STK32A: variants seen among roughly 807,000 people sequenced by gnomAD.
STK32A encodes serine/threonine-protein kinase 32A.
Under a neutral mutation model 53.2 loss-of-function variants are expected in STK32A, and 41 were observed. That is an observed-to-expected ratio of 0.77 (90% confidence interval 0.60 to 1.00). The LOEUF is 1.00. Ranked by LOEUF, STK32A falls within the 50% of genes least tolerant of loss-of-function variation. The pLI, the probability that STK32A is intolerant of heterozygous loss-of-function variation, is 0.00. For synonymous variants in STK32A, 166 were observed against 162.8 expected, an observed-to-expected ratio of 1.02 and a Z score of -0.15; for missense variants, 458 against 485.8, an observed-to-expected ratio of 0.94 and a Z score of 0.54.
At chr5:147,365,771 C>T (rs758344330) in intron 8 of STK32A, among the ~76,000 whole-genome samples, 2 of 152,022 alleles carry the variant, frequency 1.3e-5, no homozygotes, top group South Asian at 2.1e-4. Flanking sequence ...AGCAGAGGAG[C>T]GAGTTGAAAC....
chr5:147,303,886 G>T (rs1250974679), intron 4 of STK32A, among the ~76,000 whole-genome samples: 1 of 152,176 alleles, frequency 6.6e-6, no homozygotes, highest in Non-Finnish European at 1.5e-5. Context: ...CGCAGTAATT[G>T]TTCCACCTAG....
At chr5:147,294,834 C>T (rs1752792644) in intron 4 of STK32A, among the ~76,000 whole-genome samples, 1 of 152,076 alleles carries the variant, frequency 6.6e-6, no homozygotes, top group Admixed American at 6.5e-5. Flanking sequence ...CAGGCATGTG[C>T]CACCACACCT....
At chr5:147,319,245 C>A (rs1337980686) in intron 4 of STK32A, among the ~76,000 whole-genome samples, 1 of 151,422 alleles carries the variant, frequency 6.6e-6, no homozygotes, top group East Asian at 1.9e-4. Flanking sequence ...TGGGTTCAAG[C>A]CATTCTCCTG....
intron 2 of STK32A, among the ~76,000 whole-genome samples, chr5:147,263,394 G>C (rs1251465532): frequency 1.3e-5 from 2 of 152,156 alleles, no homozygotes; most frequent in African/African-American, 4.8e-5. Flanking sequence ...AATATGAGCA[G>C]ACAACCAAGG....
intron 8 of STK32A, among the ~76,000 whole-genome samples, chr5:147,365,695 C>G (rs1015361433): frequency 1.3e-5 from 2 of 152,134 alleles, no homozygotes; most frequent in African/African-American, 4.8e-5. Flanking sequence ...CCCTTGCTAG[C>G]TGCTTCTGGG....
intron 8 of STK32A, among the ~76,000 whole-genome samples, chr5:147,364,548 A>T (rs1435068038): frequency 6.6e-6 from 1 of 152,188 alleles, no homozygotes; most frequent in Non-Finnish European, 1.5e-5. Flanking sequence ...ATCTGCCTTC[A>T]CAAAATACCA....
At chr5:147,366,801 C>T (rs1756767546) in intron 8 of STK32A, among the ~76,000 whole-genome samples, 1 of 151,932 alleles carries the variant, frequency 6.6e-6, no homozygotes, top group Non-Finnish European at 1.5e-5. Context: ...TAAGGATACT[C>T]TATCTTCAGA....
intron 4 of STK32A, among the ~76,000 whole-genome samples, chr5:147,315,429 T>G (rs1753943336): frequency 6.6e-6 from 1 of 152,200 alleles, no homozygotes; most frequent in South Asian, 2.1e-4. Context: ...CACTACAACA[T>G]GGATGAACCT....
chr5:147,259,736 T>C (rs1191192812), intron 2 of STK32A, among the ~76,000 whole-genome samples: 1 of 152,140 alleles, frequency 6.6e-6, no homozygotes, highest in Non-Finnish European at 1.5e-5. Flanking sequence ...TCTGACTCCC[T>C]CTTTGTAGCT....
chr5:147,244,827 T>C (rs1753715829), intron 2 of STK32A, among the ~76,000 whole-genome samples: 1 of 152,198 alleles, frequency 6.6e-6, no homozygotes, highest in Non-Finnish European at 1.5e-5. Flanking sequence ...GAGGATTGAA[T>C]AAATAATGCA....
At chr5:147,287,497 A>G (rs1485619274) in intron 4 of STK32A, among the ~76,000 whole-genome samples, 1 of 152,148 alleles carries the variant, frequency 6.6e-6, no homozygotes, top group Non-Finnish European at 1.5e-5. Flanking sequence ...TCCATCTTTA[A>G]TTATTACAGT....
At chr5:147,240,447 A>G (rs1045774326) in intron 2 of STK32A, among the ~76,000 whole-genome samples, 2 of 152,168 alleles carry the variant, frequency 1.3e-5, no homozygotes, top group African/African-American at 2.4e-5. Flanking sequence ...GAGCTCTGCT[A>G]ATTGGAACAG....
Position 147,383,510 on chromosome 5 carries a change from G to A in STK32A, c.1097+5G>A, listed in dbSNP as rs775621852. 1.3e-6 allele frequency: 2 copies of A among 1,582,536 alleles called. No homozygotes were observed. Among genetic ancestry groups the A allele is most frequent in the Non-Finnish European group, 1.7e-6 (2 of 1,163,284 alleles). ...CATAATTTTCAACAGAGAAAAGTAA[G>A]TAATTCCTGGGAGAACAACAGCCCC... On this transcript the variant is annotated splice_donor_5th_base_variant and intron_variant, in intron 12 of 12. Transcript: ENST00000397936.
Position 147,274,209 on chromosome 5 carries a change from G to A in STK32A, c.53-3915G>A, listed in dbSNP as rs114936475. On this transcript the variant is annotated intron_variant, in intron 2 of 12. Transcript: ENST00000397936. ...AAGGCTGGGATGAAAAGACCTGTGC[G>A]AAGCAGGACTGAGGCACTTAAGGAA... Among the ~76,000 whole-genome samples the A allele has an allele frequency of 3.7e-3, 567 of 152,296 alleles. 1 individual carries two copies. Among genetic ancestry groups the A allele is most frequent in the African/African-American group, 8.4e-3 (347 of 41,552 alleles).
At chr5:147,379,232 T>C (rs144841764) in intron 11 of STK32A, among the ~76,000 whole-genome samples, 1 of 152,006 alleles carries the variant, frequency 6.6e-6, no homozygotes, top group Non-Finnish European at 1.5e-5. Flanking sequence ...TTGCCTGTTG[T>C]TGGTGTATAG....
intron 2 of STK32A, among the ~76,000 whole-genome samples, chr5:147,252,900 C>G (rs1754059539): frequency 6.6e-6 from 1 of 152,168 alleles, no homozygotes; most frequent in African/African-American, 2.4e-5. Flanking sequence ...ATCCTTAGCA[C>G]CTACTTTGTT....
intron 8 of STK32A, among the ~76,000 whole-genome samples, chr5:147,363,601 C>T (rs1756612732): frequency 6.6e-6 from 1 of 152,180 alleles, no homozygotes; most frequent in African/African-American, 2.4e-5. Flanking sequence ...CACATGTTCA[C>T]AGCTGGATAG....
At chr5:147,368,768 T>A (rs1293250597) in intron 8 of STK32A, among the ~76,000 whole-genome samples, 1 of 152,180 alleles carries the variant, frequency 6.6e-6, no homozygotes, top group Non-Finnish European at 1.5e-5. Context: ...AATTCAGTCA[T>A]ATGGCCTTGT....
chr5:147,398,123 T>TA, the STK32A span, among the ~76,000 whole-genome samples: 2 of 152,208 alleles, frequency 1.3e-5, no homozygotes, highest in Non-Finnish European at 2.9e-5. Flanking sequence ...AGAAGCTGGA[T>TA]AACTATCCAG....
Sources: allele counts gnomAD v4.1 joint callset (sites outside exome capture counted in the v4.1 genomes callset), GRCh38; gene constraint gnomAD v4.1.1; transcripts MANE v1.5; gene names NCBI Gene and HGNC (gene_info 2026-07-23, HGNC 2026-07-21).